The following SP4 variants were observed in gnomAD, a reference collection of about 807,000 sequenced individuals.
SP4 encodes transcription factor Sp4.
In SP4, 19 loss-of-function variants were observed where a neutral mutation model predicts 72.8. The ratio of observed to expected loss-of-function variants is 0.26; its 90% CI spans 0.18 to 0.38. The LOEUF (loss-of-function observed/expected upper bound fraction) is 0.38. Ranked by LOEUF, SP4 falls within the 10% of genes least tolerant of loss-of-function variation. SP4 has a pLI of 1.00. For synonymous variants in SP4, 395 were observed against 333.1 expected (o/e 1.19, Z -2.02); for missense variants, 1,008 against 926.3 (o/e 1.09, Z -1.14).
intron 3 of SP4, among the ~76,000 whole-genome samples, chr7:21,434,719 C>A (rs1782989123): frequency 4.6e-5 from 7 of 152,072 alleles, no homozygotes; most frequent in Admixed American, 3.9e-4. Flanking sequence ...AAATAGTGAA[C>A]CTTGTACCCA....
At position 21,428,188 on chromosome 7, in the gene SP4, G is replaced by GGGCCCCCCCCCCCCCCC; in HGVS notation, c.-64_-63insGGCCCCCCCCCCCCCCC. On this transcript the variant is annotated 5_prime_UTR_variant, in exon 1 of 6. Coordinates refer to ENST00000222584, the MANE Select transcript of SP4 (RefSeq NM_003112.5). ...CGGGACCGGCCTCTCCTCCCGCCTCGCCCCCACCCCCACCCACCTCTATCC... is the reference window on the plus strand; with the variant it reads ...CGGGACCGGCCTCTCCTCCCGCCTCGGGCCCCCCCCCCCCCCCCCCCCACCCCCACCCACCTCTATCC... 2.7e-6 allele frequency: 1 copy of GGGCCCCCCCCCCCCCCC among 371,884 alleles called. No homozygotes were observed. The highest frequency in any genetic ancestry group is 5.0e-6 in the Non-Finnish European group (1 of 198,076). 23.0% of individuals were successfully genotyped at this position (371,884 alleles called of 1,614,324 possible).
chr7:21,450,696 ACT>A (rs987701825), intron 3 of SP4, among the ~76,000 whole-genome samples: 2 of 152,160 alleles, frequency 1.3e-5, no homozygotes, highest in African/African-American at 4.8e-5. Context: ...AAGGAAGTTA[ACT>A]CTCTGCCCAG....
intron 5 of SP4, among the ~76,000 whole-genome samples, chr7:21,491,694 C>A (rs80056447): frequency 6.6e-6 from 1 of 152,106 alleles, no homozygotes; most frequent in African/African-American, 2.4e-5. Context: ...CAAATTATGG[C>A]GGATTTCTTC....
rs1782160534 is a variant in SP4, at chr7:21,512,090, C to G, written c.*821C>G. 1 of 152,584 alleles carries G rather than the reference C, an allele frequency of 6.6e-6. No homozygotes were observed. The highest frequency in any genetic ancestry group is 1.5e-5 in the Non-Finnish European group (1 of 68,016). 9.5% of individuals were successfully genotyped at this position (152,584 alleles called of 1,614,324 possible). ...TCTAAAGTTAGGATTGATTATATTC[C>G]TAACCCTAGGTTGAACCACAAAATT... On this transcript the variant is annotated 3_prime_UTR_variant, in exon 6 of 6. Coordinates refer to ENST00000222584, the MANE Select transcript of SP4 (RefSeq NM_003112.5).
At chr7:21,499,079 CAAAAAA>C (rs34565680) in intron 5 of SP4, among the ~76,000 whole-genome samples, 2 of 99,584 alleles carry the variant, frequency 2.0e-5, no homozygotes, top group Admixed American at 1.0e-4. Flanking sequence ...GACTCTGTCT[CAAAAAA>C]AAAAAAAAAA....
At chr7:21,428,357 A>G in intron 1 of SP4, 99 bp downstream of exon 1, 2 of 721,086 alleles carry the variant, frequency 2.8e-6, no homozygotes, top group Non-Finnish European at 5.1e-6. Context: ...GGGGCCGCTG[A>G]GATGCTTTAA....
rs1237776060 is a variant in SP4 at position 21,464,955 on chromosome 7, C to G, written c.1679-12124C>G. On this transcript the variant is annotated intron_variant, in intron 3 of 5. Coordinates refer to ENST00000222584, the MANE Select transcript of SP4 (RefSeq NM_003112.5). ...TTTTTGATTTATTTTTCACCATCAA[C>G]TTAGGCAAGTATGGTTCAACGTAGA... Among the ~76,000 whole-genome samples, 4 of 152,154 alleles carry G rather than the reference C, an allele frequency of 2.6e-5. No homozygotes were observed. In the East Asian group the frequency reaches 7.7e-4, roughly 29 times the overall value.
chr7:21,445,245 C>G (rs1360572617), intron 3 of SP4, among the ~76,000 whole-genome samples: 3 of 151,804 alleles, frequency 2.0e-5, no homozygotes, highest in African/African-American at 4.8e-5. Flanking sequence ...TTGTAAAACC[C>G]CAAAAAGAAT....
intron 3 of SP4, among the ~76,000 whole-genome samples, chr7:21,475,909 A>C (rs771277111): frequency 6.6e-6 from 1 of 152,218 alleles, no homozygotes. Context: ...TTTTCAGTCC[A>C]TTCACATACT....
At position 21,428,179 on chromosome 7, in the gene SP4, T is replaced by TCCCCCCC; in HGVS notation, c.-70_-69insCCCCCCC. ...GCGGGCGGGCGGGACCGGCCTCTCC[T>TCCCCCCC]CCCGCCTCGCCCCCACCCCCACCCA... On this transcript the variant is annotated 5_prime_UTR_variant, in exon 1 of 6. Transcript: ENST00000222584. 7.0e-5 allele frequency: 42 copies of TCCCCCCC among 600,758 alleles called. No individual in the cohort carries two copies. The highest frequency in any genetic ancestry group is 2.3e-4 in the East Asian group (6 of 26,622). The allele number at this position is 600,758 out of a possible 1,614,324, so 37.2% of individuals were successfully genotyped here.
chr7:21,467,142 A>T (rs1784191910), intron 3 of SP4, among the ~76,000 whole-genome samples: 1 of 151,986 alleles, frequency 6.6e-6, no homozygotes, highest in South Asian at 2.1e-4. Context: ...GTGCATTGTA[A>T]GATGTTTAGC....
chr7:21,502,159 T>G (rs957179964), intron 5 of SP4, among the ~76,000 whole-genome samples: 1 of 150,756 alleles, frequency 6.6e-6, no homozygotes, highest in East Asian at 2.0e-4. Flanking sequence ...AATACCAGGA[T>G]GAAGGGAATG....
In SP4 at chr7:21,428,186, T is replaced by TC; in HGVS notation, c.-65dup. On this transcript the variant is annotated 5_prime_UTR_variant, in exon 1 of 6. Transcript: ENST00000222584. ...GGCGGGACCGGCCTCTCCTCCCGCCTCGCCCCCACCCCCACCCACCTCTAT... is the reference window on the plus strand; with the variant it reads ...GGCGGGACCGGCCTCTCCTCCCGCCTCCGCCCCCACCCCCACCCACCTCTAT... 7 of 297,746 alleles carry TC rather than the reference T, an allele frequency of 2.4e-5. No homozygotes were observed. Among genetic ancestry groups the TC allele is most frequent in the Admixed American group, 1.0e-4 (2 of 19,288 alleles). 18.4% of individuals were successfully genotyped at this position (297,746 alleles called of 1,614,324 possible). A position where few individuals can be genotyped will look rare whatever the true frequency, so the allele number is the denominator to read the frequency against.
chr7:21,445,652 C>T (rs890088804), intron 3 of SP4, among the ~76,000 whole-genome samples: 7 of 152,032 alleles, frequency 4.6e-5, no homozygotes, highest in South Asian at 2.1e-4. Context: ...ATGAGAAAAT[C>T]AAGGCTTAGA....
chr7:21,448,301 C>T (rs1783487808), intron 3 of SP4, among the ~76,000 whole-genome samples: 1 of 152,144 alleles, frequency 6.6e-6, no homozygotes, highest in Admixed American at 6.5e-5. Flanking sequence ...TCTAGTACCA[C>T]TGGCAAGTAC....
intron 3 of SP4, 106 bp downstream of exon 3, chr7:21,430,949 A>G (rs1400456155): frequency 1.3e-6 from 1 of 780,086 alleles, no homozygotes; most frequent in Non-Finnish European, 2.0e-6. Flanking sequence ...AAGTAAACAC[A>G]CAATCATAAG....
chr7:21,479,958 T>A lies in SP4; in HGVS notation c.1908-1966T>A, dbSNP rs1023157730. Among the ~76,000 whole-genome samples, 4 of 149,522 alleles carry A rather than the reference T, an allele frequency of 2.7e-5. No homozygotes were observed. The Admixed American group carries it at 2.7e-4, about 10-fold the overall frequency. On this transcript the variant is annotated intron_variant, in intron 4 of 5. Transcript: ENST00000222584. ...TAATCTTTTATCCTGCAACTTTTGC[T>A]GAACTTTTTGATTAGTTATAACAGT...
chr7:21,463,854 C>A (rs748213456), intron 3 of SP4, among the ~76,000 whole-genome samples: 74 of 152,060 alleles, frequency 4.9e-4, no homozygotes, highest in Non-Finnish European at 9.4e-4. Flanking sequence ...TTTATTTGAT[C>A]TTTATCAATT....
At chr7:21,450,294 A>C (rs1378623893) in intron 3 of SP4, among the ~76,000 whole-genome samples, 1 of 152,204 alleles carries the variant, frequency 6.6e-6, no homozygotes, top group Non-Finnish European at 1.5e-5. Flanking sequence ...TAGGGATATC[A>C]ATAATTTATA....
Sources: gnomAD v4.1 joint callset for allele counts (sites outside exome capture counted in the v4.1 genomes callset) on GRCh38, gnomAD v4.1.1 for gene constraint, MANE v1.5 for transcripts, NCBI Gene and HGNC (gene_info 2026-07-23, HGNC 2026-07-21) for gene names.